SULF2: variants seen among roughly 807,000 people sequenced by gnomAD.
SULF2 encodes extracellular sulfatase Sulf-2.
SULF2 carries 52 observed loss-of-function variants against 107.7 expected under a neutral mutation model. That is an observed-to-expected ratio of 0.48 (90% CI 0.39 to 0.61). The LOEUF (loss-of-function observed/expected upper bound fraction) is 0.61, where lower values mean the gene tolerates loss of function less well. Ranked by LOEUF, SULF2 falls within the 20% of genes least tolerant of loss-of-function variation. The pLI, the probability that SULF2 is intolerant of heterozygous loss-of-function variation, is 0.00. For missense variants in SULF2, 993 were observed against 1,177.3 expected, an observed-to-expected ratio of 0.84 and a Z score of 2.29; for synonymous variants, 460 against 464.3, an observed-to-expected ratio of 0.99 and a Z score of 0.12.
chr20:47,678,522 C>CTCCCACGGGGACCATGCTTCTA lies in SULF2; in HGVS notation c.1193+153_1193+154insTAGAAGCATGGTCCCCGTGGGA. On this transcript the variant is annotated intron_variant, in intron 8 of 20. Coordinates refer to ENST00000688720, the MANE Select transcript of SULF2 (RefSeq NM_001387048.1). The surrounding 1 kb of genome is among the most constrained non-coding windows in gnomAD (Gnocchi z 4.5). ...ATCTCGGAGAGGGGACCATGCTTCTCTCCCACAGCAGGTAAGTGGTTGGCA... is the reference window on the plus strand; with the variant it reads ...ATCTCGGAGAGGGGACCATGCTTCTCTCCCACGGGGACCATGCTTCTATCCCACAGCAGGTAAGTGGTTGGCA... 1 of 956,596 alleles carries CTCCCACGGGGACCATGCTTCTA rather than the reference C, an allele frequency of 1.0e-6. No homozygotes were observed. Among genetic ancestry groups the CTCCCACGGGGACCATGCTTCTA allele is most frequent in the Admixed American group, 2.2e-5 (1 of 46,310 alleles). 59.3% of individuals were successfully genotyped at this position (956,596 alleles called of 1,614,324 possible).
At chr20:47,745,171 T>C (rs891177560) in intron 2 of SULF2, among the ~76,000 whole-genome samples, 2 of 151,774 alleles carry the variant, frequency 1.3e-5, no homozygotes, top group African/African-American at 4.8e-5. Context: ...AATTCTAGGA[T>C]AGATTCTAGA....
In SULF2 at chr20:47,677,088, C is replaced by G; in HGVS notation, c.1240G>C (p.Val414Leu). ...GGACCCGGCACTCACCCTCTCTCCA[C>G]CAAGAAGGAGTCCCGCCAGACCCTC... Reference protein sequence around the residue: ...KMRVWRDSFLVERGKLLHKRD... With the variant: ...KMRVWRDSFLLERGKLLHKRD... Residue 414 changes from valine to leucine, a missense_variant, in exon 9 of 21, where the codon GTG becomes CTG. This residue lies in a region of SULF2 where 108 missense variants were observed against 183.9 expected (regional missense o/e 0.59). Transcript: ENST00000688720. 6.2e-7 allele frequency: 1 copy of G among 1,613,288 alleles called. No individual in the cohort carries two copies. Among genetic ancestry groups the G allele is most frequent in the Admixed American group, 1.7e-5 (1 of 59,982 alleles).
At chr20:47,676,421 C>T in intron 10 of SULF2, 73 bp downstream of exon 10, 1 of 1,546,162 alleles carries the variant, frequency 6.5e-7, no homozygotes, top group Non-Finnish European at 8.7e-7. Context: ...CTCAGCGGCT[C>T]TCAGAGCCTC....
chr20:47,717,011 AAAAAT>A lies in SULF2; in HGVS notation c.416-14346_416-14342del, dbSNP rs375543067. On this transcript the variant is annotated intron_variant, in intron 3 of 20. Coordinates refer to ENST00000688720, the MANE Select transcript of SULF2 (RefSeq NM_001387048.1). ...GGTGACAAGCGAGACCCTATTTCTA[AAAAAT>A]AAAATAAAATGGGTATGCAGATGGA... 2.3e-3 allele frequency among the ~76,000 whole-genome samples: 348 copies of A among 152,300 alleles called. 1 individual carries two copies. Among genetic ancestry groups the A allele is most frequent in the African/African-American group, 6.4e-3 (264 of 41,564 alleles).
chr20:47,739,501 C>A (rs2089827539), intron 2 of SULF2, among the ~76,000 whole-genome samples: 1 of 152,200 alleles, frequency 6.6e-6, no homozygotes, highest in South Asian at 2.1e-4. Flanking sequence ...CTCCTCCAAT[C>A]ACAGGGCTAC....
intron 13 of SULF2, 106 bp from the exon 14 acceptor site, chr20:47,665,399 A>G (rs2087227658): frequency 1.2e-6 from 1 of 806,738 alleles, no homozygotes. Context: ...CAGCAGCGGC[A>G]GCCTGCACTC....
chr20:47,712,517 A>G (rs2088965907), intron 3 of SULF2, among the ~76,000 whole-genome samples: 1 of 152,060 alleles, frequency 6.6e-6, no homozygotes, highest in Non-Finnish European at 1.5e-5. Flanking sequence ...CATTTCCCCA[A>G]CTAGGGTGTG....
intron 1 of SULF2, among the ~76,000 whole-genome samples, chr20:47,759,924 T>C (rs559947194): frequency 6.6e-6 from 1 of 152,358 alleles, no homozygotes; most frequent in South Asian, 2.1e-4. Flanking sequence ...GTCAGCTCCC[T>C]GAGGACAGAG....
chr20:47,735,744 C>A (rs143897713), intron 3 of SULF2, among the ~76,000 whole-genome samples: 1 of 152,316 alleles, frequency 6.6e-6, no homozygotes, highest in African/African-American at 2.4e-5. Flanking sequence ...AGAAGACACA[C>A]CTTACTGGCT....
chr20:47,717,078 G>A (rs1017528608), intron 3 of SULF2, among the ~76,000 whole-genome samples: 3 of 152,178 alleles, frequency 2.0e-5, no homozygotes, highest in African/African-American at 7.2e-5. Flanking sequence ...TAGATAACTA[G>A]ATATGCTATG....
intron 10 of SULF2, 144 bp downstream of exon 10, chr20:47,676,350 A>G: frequency 5.8e-6 from 5 of 863,210 alleles, no homozygotes; most frequent in East Asian, 5.3e-5. Context: ...ACCACCAAAC[A>G]GCATCTTGGG....
chr20:47,745,452 TATATACACATAC>T (rs1418116900), intron 2 of SULF2, among the ~76,000 whole-genome samples: 939 of 18,858 alleles, frequency 0.05, 63 homozygotes, highest in East Asian at 0.14. Flanking sequence ...TATATATATA[TATATACACATAC>T]ACACACACTT....
rs1197228112 is a variant in SULF2 at position 47,663,140 on chromosome 20, T to C, written c.2300A>G (p.His767Arg). Reference sequence around the variant, plus strand: ...TGCAAATTCACAGAAGAGGAAATTGTGAGTCTCATTGATGGTCCTCATGCA... The same window carrying C: ...TGCAAATTCACAGAAGAGGAAATTGCGAGTCTCATTGATGGTCCTCATGCA... Reference protein sequence around the residue: ...YWCMRTINETHNFLFCEFATG... With the variant: ...YWCMRTINETRNFLFCEFATG... The change falls in exon 17 of 21, where the codon CAC becomes CGC. Residue 767 changes from histidine to arginine, a missense_variant. This residue lies in a region of SULF2 where 497 missense variants were observed against 544.1 expected (regional missense o/e 0.91). Transcript: ENST00000688720. The C allele has an allele frequency of 1.2e-6, 2 of 1,614,156 alleles. No homozygotes were observed. The highest frequency in any genetic ancestry group is 1.7e-6 in the Non-Finnish European group (2 of 1,180,030).
rs1172908118 is a variant in SULF2 at position 47,659,289 on chromosome 20, G to A, written c.2582+110C>T. On this transcript the variant is annotated intron_variant, in intron 20 of 20. Transcript: ENST00000688720. ...AGTACTTCCCCCCCACCCTCATCAT[G>A]AGAACAAACAAAGGGTGGTATGTAA... is the stretch of plus-strand genomic sequence containing the variant. 4.2e-6 allele frequency: 4 copies of A among 954,340 alleles called. No individual in the cohort carries two copies. The East Asian group carries it at 7.3e-5, about 18-fold the overall frequency. The allele number at this position is 954,340 out of a possible 1,614,324, so 59.1% of individuals were successfully genotyped here.
chr20:47,724,809 A>G (rs2089393836), intron 3 of SULF2, among the ~76,000 whole-genome samples: 1 of 152,204 alleles, frequency 6.6e-6, no homozygotes, highest in Admixed American at 6.5e-5. Context: ...ATCTGACACT[A>G]CTTGCACCTT....
intron 2 of SULF2, 62 bp from the exon 3 acceptor site, chr20:47,737,004 G>T (rs2089750097): frequency 1.2e-6 from 2 of 1,604,552 alleles, no homozygotes; most frequent in Admixed American, 3.4e-5. Context: ...CGGCACCAGG[G>T]GGCTCTCAGC....
chr20:47,697,668 TG>T (rs998936501), intron 4 of SULF2, among the ~76,000 whole-genome samples: 1 of 152,128 alleles, frequency 6.6e-6, no homozygotes, highest in African/African-American at 2.4e-5. Context: ...CCCTGGTAAC[TG>T]GGGGGCCAGG....
intron 1 of SULF2, among the ~76,000 whole-genome samples, chr20:47,769,892 A>G (rs1054045666): frequency 4.6e-5 from 7 of 151,718 alleles, no homozygotes; most frequent in Non-Finnish European, 8.8e-5. Flanking sequence ...CCTTGTGGAT[A>G]TTTAGGGGAA....
At chr20:47,716,199 C>T (rs2089115140) in intron 3 of SULF2, among the ~76,000 whole-genome samples, 1 of 152,164 alleles carries the variant, frequency 6.6e-6, no homozygotes, top group Admixed American at 6.5e-5. Context: ...AAATTTAAAA[C>T]ATATTTGTTC....
Sources: allele counts gnomAD v4.1 joint callset (sites outside exome capture counted in the v4.1 genomes callset), GRCh38; gene constraint gnomAD v4.1.1; regional missense constraint gnomAD v4.1.1; non-coding constraint Gnocchi (gnomAD v3.1); transcripts MANE v1.5; gene names NCBI Gene and HGNC (gene_info 2026-07-23, HGNC 2026-07-21).